The following PPFIA2 variants were observed in gnomAD, a reference collection of about 807,000 sequenced individuals.
PPFIA2 encodes the protein liprin-alpha-2.
A neutral mutation model predicts 175.5 loss-of-function variants in PPFIA2; 46 were observed. The observed-to-expected ratio is 0.26, with a 90% CI of 0.21 to 0.34. The LOEUF (loss-of-function observed/expected upper bound fraction) is 0.34. Ranked by LOEUF, PPFIA2 falls within the 10% of genes least tolerant of loss-of-function variation. The pLI is 1.00. For missense variants in PPFIA2, 1,179 were observed against 1,506.1 expected (o/e 0.78, Z 3.60); for synonymous variants, 568 against 511.4 (o/e 1.11, Z -1.49).
At chr12:81,447,007 TC>T (rs2051409340) in intron 5 of PPFIA2, among the ~76,000 whole-genome samples, 2 of 151,882 alleles carry the variant, frequency 1.3e-5, no homozygotes, top group African/African-American at 4.8e-5. Context: ...CATTTAAGGA[TC>T]AAACTAATCG....
chr12:81,631,316 T>C (rs955324769), intron 4 of PPFIA2, among the ~76,000 whole-genome samples: 2 of 152,178 alleles, frequency 1.3e-5, no homozygotes, highest in Non-Finnish European at 2.9e-5. Flanking sequence ...ATTTGGATTA[T>C]GGAATTGAAT....
At chr12:81,757,193 T>C (rs2084818191) in intron 2 of PPFIA2, among the ~76,000 whole-genome samples, 1 of 152,162 alleles carries the variant, frequency 6.6e-6, no homozygotes, top group South Asian at 2.1e-4. Context: ...TAAACACCCT[T>C]TTAAAAAATG....
At chr12:81,642,807 G>GTATATGTATGTATA (rs1567690488) in intron 4 of PPFIA2, among the ~76,000 whole-genome samples, 3 of 21,726 alleles carry the variant, frequency 1.4e-4, no homozygotes, top group Non-Finnish European at 2.5e-4. Context: ...ATGTATGTAT[G>GTATATGTATGTATA]TATTACATAC....
intron 21 of PPFIA2, among the ~76,000 whole-genome samples, chr12:81,334,869 G>A (rs1321248812): frequency 1.3e-5 from 2 of 152,158 alleles, no homozygotes; most frequent in Non-Finnish European, 2.9e-5. Flanking sequence ...ATCATTTCAT[G>A]TCTGTTTTAG....
At chr12:81,528,702 T>C (rs1194183537) in intron 4 of PPFIA2, among the ~76,000 whole-genome samples, 1 of 152,054 alleles carries the variant, frequency 6.6e-6, no homozygotes, top group Non-Finnish European at 1.5e-5. Context: ...GTGAAAAGCA[T>C]TTCCATAGCA....
At chr12:81,511,295 G>T (rs2061764012) in intron 4 of PPFIA2, among the ~76,000 whole-genome samples, 1 of 152,068 alleles carries the variant, frequency 6.6e-6, no homozygotes, top group African/African-American at 2.4e-5. Context: ...ACTGCCAACA[G>T]ACACTTTGTG....
chr12:81,288,205 G>C (rs2043976018), intron 24 of PPFIA2, among the ~76,000 whole-genome samples: 1 of 151,770 alleles, frequency 6.6e-6, no homozygotes. Context: ...CTCCAGAATA[G>C]AAAGAAACAC....
chr12:81,697,200 G>A lies in PPFIA2; in HGVS notation c.250-20356C>T, dbSNP rs533671311. On this transcript the variant is annotated intron_variant, in intron 3 of 32. Coordinates refer to ENST00000549396, the MANE Select transcript of PPFIA2 (RefSeq NM_003625.5). ...ACATCTTTCCCATTCTCTTTCAATT[G>A]AAAGGAATTATCAGAAAGTGTATAC... is the stretch of plus-strand genomic sequence containing the variant. 3.3e-5 allele frequency among the ~76,000 whole-genome samples: 5 copies of A among 152,102 alleles called. No individual in the cohort carries two copies. The South Asian group carries it at 1.0e-3, about 31-fold the overall frequency.
chr12:81,277,177 G>T, intron 28 of PPFIA2, 140 bp downstream of exon 28: 1 of 645,036 alleles, frequency 1.6e-6, no homozygotes, highest in Non-Finnish European at 2.3e-6. Flanking sequence ...GAAAAGAATG[G>T]AAAAAAAACA....
chr12:81,716,996 G>GAC (rs2078710556), intron 3 of PPFIA2, among the ~76,000 whole-genome samples: 1 of 151,564 alleles, frequency 6.6e-6, no homozygotes, highest in South Asian at 2.1e-4. Context: ...TTGAACTAAA[G>GAC]ACATTTCATG....
At chr12:81,457,274 G>A (rs1370524050) in intron 5 of PPFIA2, among the ~76,000 whole-genome samples, 2 of 151,112 alleles carry the variant, frequency 1.3e-5, no homozygotes, top group African/African-American at 2.4e-5. Context: ...ATGAGGCATC[G>A]CGTCCGGCCT....
intron 22 of PPFIA2, among the ~76,000 whole-genome samples, chr12:81,321,567 A>ACC (rs1175903900): frequency 1.3e-5 from 2 of 152,138 alleles, no homozygotes; most frequent in East Asian, 3.9e-4. Context: ...TCTGTGACTA[A>ACC]CCAAATCTTT....
At chr12:81,302,630 G>A (rs1002189473) in intron 22 of PPFIA2, 2 of 444,352 alleles carry the variant, frequency 4.5e-6, no homozygotes, top group African/African-American at 4.0e-5. Flanking sequence ...GGATCAGATG[G>A]GAGGGATGGC....
intron 14 of PPFIA2, 64 bp from the exon 15 acceptor site, chr12:81,362,848 G>T: frequency 1.1e-6 from 1 of 948,938 alleles, no homozygotes; most frequent in Admixed American, 2.5e-5. Flanking sequence ...TGATAAATGA[G>T]TCTTAATGAT....
chr12:81,337,314 T>A (rs1013137195), intron 21 of PPFIA2, among the ~76,000 whole-genome samples: 1 of 152,154 alleles, frequency 6.6e-6, no homozygotes, highest in African/African-American at 2.4e-5. Flanking sequence ...TGCTGTTCTA[T>A]GAAATAAAGC....
chr12:81,460,327 C>G (rs1281302859), intron 4 of PPFIA2, among the ~76,000 whole-genome samples: 1 of 152,068 alleles, frequency 6.6e-6, no homozygotes, highest in Non-Finnish European at 1.5e-5. Flanking sequence ...TAAGAAGTGC[C>G]TTTTACCTTC....
chr12:81,730,420 G>T (rs34503239), intron 3 of PPFIA2, among the ~76,000 whole-genome samples: 23,997 of 151,582 alleles, frequency 0.16, 2,467 homozygotes, highest in Middle Eastern at 0.25. Flanking sequence ...AAGAGAAGCA[G>T]GTAACTTCTT....
At chr12:81,472,121 T>C (rs114550764) in intron 4 of PPFIA2, among the ~76,000 whole-genome samples, 195 of 152,286 alleles carry the variant, frequency 1.3e-3, no homozygotes, top group African/African-American at 4.1e-3. Context: ...TGTTGTATGA[T>C]CCTCTTAATA....
chr12:81,742,033 G>A (rs762182202), intron 3 of PPFIA2, among the ~76,000 whole-genome samples: 2 of 152,102 alleles, frequency 1.3e-5, no homozygotes, highest in South Asian at 2.1e-4. Context: ...GAGAGCAGCC[G>A]CAGCAGTCCC....
Sources: gnomAD v4.1 joint callset for allele counts (sites outside exome capture counted in the v4.1 genomes callset) on GRCh38, gnomAD v4.1.1 for gene constraint, MANE v1.5 for transcripts, NCBI Gene and HGNC (gene_info 2026-07-23, HGNC 2026-07-21) for gene names.